GRM5: variants seen among roughly 807,000 people sequenced by gnomAD.
The protein encoded by GRM5 is metabotropic glutamate receptor 5.
A neutral mutation model predicts 83.1 loss-of-function variants in GRM5; 19 were observed. The observed-to-expected ratio is 0.23, with a 90% confidence interval of 0.16 to 0.34. The LOEUF (loss-of-function observed/expected upper bound fraction) is 0.34, where lower values mean the gene tolerates loss of function less well. Among genes scored for constraint, GRM5 ranks in the 10% least tolerant of loss-of-function variants. The pLI, the probability that GRM5 is intolerant of heterozygous loss-of-function variation, is 1.00. For missense variants in GRM5, 1,160 were observed against 1,588.3 expected (o/e 0.73, Z 4.58); for synonymous variants, 675 against 633.6 (o/e 1.07, Z -0.98).
At chr11:88,976,974 T>C (rs946155088) in intron 2 of GRM5, among the ~76,000 whole-genome samples, 1 of 151,828 alleles carries the variant, frequency 6.6e-6, no homozygotes, top group Non-Finnish European at 1.5e-5. Flanking sequence ...AACTAGTCAA[T>C]ATTGAGGGAG....
At chr11:88,824,668 C>T (rs1226556838) in intron 3 of GRM5, among the ~76,000 whole-genome samples, 1 of 152,110 alleles carries the variant, frequency 6.6e-6, no homozygotes, top group Non-Finnish European at 1.5e-5. Context: ...TACCACTGAT[C>T]TGACAGGAGT....
At chr11:89,062,849 G>A (rs1050430032) in intron 1 of GRM5, among the ~76,000 whole-genome samples, 1 of 152,354 alleles carries the variant, frequency 6.6e-6, no homozygotes. Context: ...TCTTCCCTAA[G>A]TCGCTGTAGC....
intron 2 of GRM5, among the ~76,000 whole-genome samples, chr11:88,913,584 TC>T (rs1945538579): frequency 8.8e-5 from 10 of 113,830 alleles, no homozygotes; most frequent in African/African-American, 3.4e-4. Flanking sequence ...CTTCTCTCTC[TC>T]TCTTTTTTTT....
intron 9 of GRM5, among the ~76,000 whole-genome samples, chr11:88,518,387 A>G (rs980823681): frequency 2.6e-5 from 4 of 152,046 alleles, no homozygotes; most frequent in African/African-American, 9.7e-5. Context: ...AAGGATTACT[A>G]TAAGCTACTC....
chr11:88,838,108 A>AAAAAAC, intron 3 of GRM5, among the ~76,000 whole-genome samples: 1 of 150,134 alleles, frequency 6.7e-6, no homozygotes, highest in Non-Finnish European at 1.5e-5. Context: ...AAAAAAAAAA[A>AAAAAAC]AGATATAAGT....
intron 2 of GRM5, among the ~76,000 whole-genome samples, chr11:88,869,227 C>T (rs566394821): frequency 7.2e-5 from 11 of 151,758 alleles, no homozygotes; most frequent in Admixed American, 6.6e-4. Context: ...GAAGTCCTAT[C>T]TATTCCTATT....
intron 4 of GRM5, among the ~76,000 whole-genome samples, chr11:88,629,554 T>C (rs892337864): frequency 6.6e-6 from 1 of 152,146 alleles, no homozygotes; most frequent in African/African-American, 2.4e-5. Context: ...CTCTTCATGA[T>C]GGACTCTTCT....
At chr11:88,941,510 GGGAGAGGAGA>G (rs1331324684) in intron 2 of GRM5, among the ~76,000 whole-genome samples, 1 of 26,830 alleles carries the variant, frequency 3.7e-5, no homozygotes, top group Admixed American at 4.7e-4. Flanking sequence ...GGGAGAGGAG[GGGAGAGGAGA>G]GAGGAGGGGA....
At chr11:88,838,084 CAAAAAAAAA>C (rs1157680177) in intron 3 of GRM5, among the ~76,000 whole-genome samples, 7 of 55,452 alleles carry the variant, frequency 1.3e-4, no homozygotes, top group Non-Finnish European at 2.0e-4. Context: ...GACTCCATCT[CAAAAAAAAA>C]AAAAAAAAAA....
At chr11:88,557,146 A>G (rs1182514198) in intron 8 of GRM5, among the ~76,000 whole-genome samples, 2 of 152,182 alleles carry the variant, frequency 1.3e-5, no homozygotes, top group African/African-American at 4.8e-5. Context: ...CACTAACTAA[A>G]GGCTATTAGG....
rs375054794 is a variant in GRM5 at position 88,525,618 on chromosome 11, A to T, written c.2631-214T>A. On this transcript the variant is annotated intron_variant, in intron 8 of 9. Transcript: ENST00000305447. Reference sequence around the variant, plus strand: ...GATGACGTTGTTACTTTTTGGTTAAACCACATGTAACCCATTCTTTCACAT... The same window carrying T: ...GATGACGTTGTTACTTTTTGGTTAATCCACATGTAACCCATTCTTTCACAT... Among the ~76,000 whole-genome samples, 77 of 152,336 alleles carry T rather than the reference A, an allele frequency of 5.1e-4. 1 individual carries two copies. The South Asian group carries it at 0.014, about 29-fold the overall frequency.
chr11:88,548,003 G>A (rs2135142444), intron 8 of GRM5, among the ~76,000 whole-genome samples: 1 of 152,288 alleles, frequency 6.6e-6, no homozygotes, highest in South Asian at 2.1e-4. Context: ...GGGAAGGGAA[G>A]GAGTTGGGAC....
chr11:88,861,459 A>ATTGTTG (rs35102713), intron 2 of GRM5, among the ~76,000 whole-genome samples: 2 of 150,974 alleles, frequency 1.3e-5, no homozygotes, highest in Non-Finnish European at 2.9e-5. Context: ...TTAAGTTTTT[A>ATTGTTG]TTGTTGTTGT....
chr11:88,897,110 A>G (rs1945238958), intron 2 of GRM5, among the ~76,000 whole-genome samples: 1 of 151,968 alleles, frequency 6.6e-6, no homozygotes, highest in Admixed American at 6.6e-5. Context: ...CTAAAAAATT[A>G]TTCCTTAATA....
chr11:88,819,434 TTAA>T (rs1350406354), intron 3 of GRM5, among the ~76,000 whole-genome samples: 39 of 152,352 alleles, frequency 2.6e-4, no homozygotes, highest in South Asian at 2.1e-3. Context: ...CATGTAGCTA[TTAA>T]TTCATCTAAA....
chr11:88,991,816 A>G (rs1184397545), intron 2 of GRM5, among the ~76,000 whole-genome samples: 1 of 152,122 alleles, frequency 6.6e-6, no homozygotes, highest in Non-Finnish European at 1.5e-5. Flanking sequence ...CCATATGTAG[A>G]AAGCTGAAAC....
rs149904398 is a variant in GRM5 at position 88,524,372 on chromosome 11, C to G, written c.2726+937G>C. ...AGCTGGAATTACAAGCGTGTGCCAC[C>G]ATGCCCGGCTAATTTTTGTGTTTTT... On this transcript the variant is annotated intron_variant, in intron 9 of 9. Transcript: ENST00000305447. Among the ~76,000 whole-genome samples, 463 of 152,140 alleles carry G rather than the reference C, an allele frequency of 3.0e-3. 1 individual carries two copies. The highest frequency in any genetic ancestry group is 5.4e-3 in the Non-Finnish European group (369 of 68,008).
intron 3 of GRM5, among the ~76,000 whole-genome samples, chr11:88,781,587 A>G (rs1354266864): frequency 6.6e-6 from 1 of 152,158 alleles, no homozygotes; most frequent in African/African-American, 2.4e-5. Context: ...TCATAAATAC[A>G]TTTGATTCTC....
rs917678031 is a variant in GRM5 at position 88,506,031 on chromosome 11, T to C, written c.*2561A>G. On this transcript the variant is annotated 3_prime_UTR_variant, in exon 10 of 10. Transcript: ENST00000305447. ...ATTACTAATAATCTTATGTCCAACA[T>C]ACAATGTATTCAATGGAGTGGCAAA... 6.6e-6 allele frequency: 1 copy of C among 152,168 alleles called. No homozygotes were observed. The highest frequency in any genetic ancestry group is 2.1e-4 in the South Asian group (1 of 4,828). The allele number at this position is 152,168 out of a possible 1,614,324, so 9.4% of individuals were successfully genotyped here. A position where few individuals can be genotyped will look rare whatever the true frequency, so the allele number is the denominator to read the frequency against.
Sources: gnomAD v4.1 joint callset for allele counts (sites outside exome capture counted in the v4.1 genomes callset) on GRCh38, gnomAD v4.1.1 for gene constraint, MANE v1.5 for transcripts, NCBI Gene and HGNC (gene_info 2026-07-23, HGNC 2026-07-21) for gene names.